The following SNX9 variants were observed in gnomAD, a reference collection of about 807,000 sequenced individuals.
The protein encoded by SNX9 is sorting nexin-9.
Under a neutral mutation model 89.4 loss-of-function variants are expected in SNX9, and 44 were observed. That is an observed-to-expected ratio of 0.49 (90% confidence interval 0.39 to 0.63). The LOEUF is 0.63. Among genes scored for constraint, SNX9 ranks in the 30% least tolerant of loss-of-function variants. The pLI is 0.00. For synonymous variants in SNX9, 236 were observed against 247.8 expected (o/e 0.95, Z 0.45); for missense variants, 578 against 736.1 (o/e 0.79, Z 2.49).
Position 157,823,321 on chromosome 6 carries a change from C to T in SNX9, c.-114C>T. On this transcript the variant is annotated 5_prime_UTR_variant, in exon 1 of 18. Transcript: ENST00000392185. The surrounding 1 kb of genome is among the most constrained non-coding windows in gnomAD (Gnocchi z 4.6). ...CGAGGCGGAGGAGCGGCCGCCGCGCCGGGGCCCAGCCGGAGCCGCCGCCCT... is the reference window on the plus strand; with the variant it reads ...CGAGGCGGAGGAGCGGCCGCCGCGCTGGGGCCCAGCCGGAGCCGCCGCCCT... The T allele has an allele frequency of 1.0e-6, 1 of 960,360 alleles. No homozygotes were observed. Among genetic ancestry groups the T allele is most frequent in the South Asian group, 3.6e-5 (1 of 28,102 alleles). The allele number at this position is 960,360 out of a possible 1,614,324, so 59.5% of individuals were successfully genotyped here.
intron 2 of SNX9, 61 bp downstream of exon 2, chr6:157,867,694 G>T: frequency 7.7e-7 from 1 of 1,299,678 alleles, no homozygotes; most frequent in East Asian, 2.9e-5. Flanking sequence ...AACAAATCCG[G>T]TAAGAGAACT....
At chr6:157,851,943 G>A (rs1017980133) in intron 1 of SNX9, among the ~76,000 whole-genome samples, 1 of 152,264 alleles carries the variant, frequency 6.6e-6, no homozygotes, top group East Asian at 1.9e-4. Context: ...TTCAAGGTTC[G>A]TCTGTAATGT....
chr6:157,926,990 G>C, intron 10 of SNX9, 121 bp from the exon 11 acceptor site: 1 of 682,282 alleles, frequency 1.5e-6, no homozygotes, highest in Non-Finnish European at 2.6e-6. Context: ...GAGATAGAGT[G>C]GGAGCTGCTT....
intron 1 of SNX9, among the ~76,000 whole-genome samples, chr6:157,836,565 G>T (rs1182619468): frequency 1.3e-5 from 2 of 151,884 alleles, no homozygotes; most frequent in Admixed American, 6.6e-5. Flanking sequence ...GGAGGTCTGG[G>T]GTGGGGCTGA....
At chr6:157,854,561 T>G (rs972190308) in intron 1 of SNX9, among the ~76,000 whole-genome samples, 1 of 152,238 alleles carries the variant, frequency 6.6e-6, no homozygotes, top group Non-Finnish European at 1.5e-5. Flanking sequence ...TATGGCAAAT[T>G]TATAACATTT....
intron 1 of SNX9, among the ~76,000 whole-genome samples, chr6:157,864,543 T>C (rs1782213336): frequency 6.6e-6 from 1 of 152,216 alleles, no homozygotes; most frequent in African/African-American, 2.4e-5. Flanking sequence ...TGGATTCAGC[T>C]GGATTTTTAA....
At chr6:157,869,745 A>G (rs906693657) in intron 2 of SNX9, among the ~76,000 whole-genome samples, 2 of 151,868 alleles carry the variant, frequency 1.3e-5, no homozygotes, top group Non-Finnish European at 2.9e-5. Context: ...ACACCCCACC[A>G]TGGGCCCCAT....
chr6:157,878,235 C>T (rs941083424), intron 4 of SNX9, among the ~76,000 whole-genome samples: 3 of 152,306 alleles, frequency 2.0e-5, no homozygotes, highest in East Asian at 1.9e-4. Flanking sequence ...GGTGAGAAAA[C>T]GCTTTATCAG....
intron 12 of SNX9, among the ~76,000 whole-genome samples, chr6:157,931,562 G>A (rs1783810735): frequency 6.6e-6 from 1 of 151,854 alleles, no homozygotes; most frequent in African/African-American, 2.4e-5. Context: ...AGAAACCTTA[G>A]GGGTCATTTA....
At chr6:157,875,425 C>A (rs1363668746) in intron 4 of SNX9, among the ~76,000 whole-genome samples, 1 of 152,146 alleles carries the variant, frequency 6.6e-6, no homozygotes, top group Non-Finnish European at 1.5e-5. Flanking sequence ...AGAAGTCTGT[C>A]ATGATATGAA....
chr6:157,881,723 T>C (rs538651707), intron 4 of SNX9, among the ~76,000 whole-genome samples: 1 of 152,306 alleles, frequency 6.6e-6, no homozygotes, highest in Admixed American at 6.5e-5. Context: ...GCCACAACAT[T>C]CCCTTAAGCC....
At chr6:157,869,591 G>A (rs3792932) in intron 2 of SNX9, among the ~76,000 whole-genome samples, 7,640 of 152,126 alleles carry the variant, frequency 0.05, 216 homozygotes, top group East Asian at 0.11. Context: ...TCCTGCCAGC[G>A]CCCTGAGCTA....
chr6:157,883,921 C>T (rs1782679733), intron 4 of SNX9, among the ~76,000 whole-genome samples: 1 of 152,118 alleles, frequency 6.6e-6, no homozygotes, highest in African/African-American at 2.4e-5. Context: ...TTTCTATTCC[C>T]AGTGACCTAT....
At chr6:157,894,413 A>G (rs75935073) in intron 4 of SNX9, among the ~76,000 whole-genome samples, 14,245 of 145,208 alleles carry the variant, frequency 0.098, 753 homozygotes, top group African/African-American at 0.12. Flanking sequence ...CCCGGCCCCT[A>G]TATTATTTGT....
At chr6:157,911,472 C>T (rs9356115) in intron 9 of SNX9, among the ~76,000 whole-genome samples, 6,996 of 152,270 alleles carry the variant, frequency 0.046, 199 homozygotes, top group East Asian at 0.11. Context: ...GTGGCAGTGC[C>T]AGATGGAAAC....
Position 157,880,417 on chromosome 6 carries a change from T to C in SNX9, c.300+5241T>C, listed in dbSNP as rs1027415545. On this transcript the variant is annotated intron_variant, in intron 4 of 17. Coordinates refer to ENST00000392185, the MANE Select transcript of SNX9 (RefSeq NM_016224.5). ...TAATCGTGTAGATTCCCTTATAAAG[T>C]GTCTCTCTAATCTTGAATTTTCTCT... Among the ~76,000 whole-genome samples, 7 of 151,650 alleles carry C rather than the reference T, an allele frequency of 4.6e-5. No individual in the cohort carries two copies. The East Asian group carries it at 1.4e-3, about 30-fold the overall frequency.
intron 14 of SNX9, 22 bp downstream of exon 14, chr6:157,936,062 T>C: frequency 6.3e-7 from 1 of 1,591,004 alleles, no homozygotes; most frequent in Non-Finnish European, 8.6e-7. Flanking sequence ...ATCACACAAT[T>C]CCAATTAAGA....
chr6:157,871,510 G>A lies in SNX9; in HGVS notation c.100-1592G>A, dbSNP rs899605967. ...ACTTGGACACAGGGCGGGGAACGTC[G>A]CACACCAGGGCCTGTCGTCGGGTGG... On this transcript the variant is annotated intron_variant, in intron 2 of 17. Transcript: ENST00000392185. Among the ~76,000 whole-genome samples the A allele has an allele frequency of 5.9e-5, 9 of 152,004 alleles. No homozygotes were observed. The South Asian group carries it at 1.5e-3, about 25-fold the overall frequency.
intron 4 of SNX9, among the ~76,000 whole-genome samples, chr6:157,877,263 A>C (rs911574229): frequency 6.7e-6 from 1 of 149,078 alleles, no homozygotes; most frequent in African/African-American, 2.5e-5. Flanking sequence ...TTTAGAAGGT[A>C]ATAAAAGAAA....
Sources: gnomAD v4.1 joint callset for allele counts (sites outside exome capture counted in the v4.1 genomes callset) on GRCh38, gnomAD v4.1.1 for gene constraint, Gnocchi (gnomAD v3.1) non-coding constraint, MANE v1.5 for transcripts, NCBI Gene and HGNC (gene_info 2026-07-23, HGNC 2026-07-21) for gene names.